Variants in NWD1 observed in about 807,000 individuals in gnomAD.
The protein encoded by NWD1 is NACHT domain- and WD repeat-containing protein 1.
NWD1 carries 129 observed loss-of-function variants against 135.1 expected under a neutral mutation model. That is an observed-to-expected ratio of 0.96 (90% CI 0.83 to 1.11). The LOEUF (loss-of-function observed/expected upper bound fraction) is 1.11. Among genes scored for constraint, NWD1 ranks in the 50% least tolerant of loss-of-function variants. The pLI, the probability that NWD1 is intolerant of heterozygous loss-of-function variation, is 0.00. For missense variants in NWD1, 1,740 were observed against 1,851.3 expected (o/e 0.94, Z 1.10); for synonymous variants, 773 against 786.0 (o/e 0.98, Z 0.28).
chr19:16,788,938 A>G lies in NWD1; in HGVS notation c.2732-44A>G, dbSNP rs369384040. Reference sequence around the variant, plus strand: ...GCATTTTAATAGTTGCAAGGCCAAAATGTTCCCAGCTAATATACTCTCCCC... The same window carrying G: ...GCATTTTAATAGTTGCAAGGCCAAAGTGTTCCCAGCTAATATACTCTCCCC... On this transcript the variant is annotated intron_variant, in intron 12 of 18. Transcript: ENST00000524140. The G allele has an allele frequency of 1.3e-5, 19 of 1,455,268 alleles. No homozygotes were observed. In the African/African-American group the frequency reaches 2.5e-4, roughly 19 times the overall value. The allele number at this position is 1,455,268 out of a possible 1,614,324, so 90.1% of individuals were successfully genotyped here. A position where few individuals can be genotyped will look rare whatever the true frequency, so the allele number is the denominator to read the frequency against.
chr19:16,734,860 A>T (rs1914501188), intron 3 of NWD1, among the ~76,000 whole-genome samples: 1 of 152,060 alleles, frequency 6.6e-6, no homozygotes, highest in South Asian at 2.1e-4. Flanking sequence ...TGCTGGGATT[A>T]TAGGGGTAAG....
At chr19:16,761,127 G>T (rs976215577) in intron 7 of NWD1, among the ~76,000 whole-genome samples, 1 of 152,102 alleles carries the variant, frequency 6.6e-6, no homozygotes, top group African/African-American at 2.4e-5. Context: ...GTGGCCTTTT[G>T]TGTCTGGCTT....
intron 2 of NWD1, among the ~76,000 whole-genome samples, chr19:16,728,086 A>C (rs1425348715): frequency 2.0e-5 from 3 of 151,988 alleles, no homozygotes; most frequent in African/African-American, 7.2e-5. Context: ...CCAAAAACTC[A>C]AAAAGGAGAT....
chr19:16,753,096 T>C (rs1381439295), intron 6 of NWD1, among the ~76,000 whole-genome samples: 1 of 152,188 alleles, frequency 6.6e-6, no homozygotes, highest in Non-Finnish European at 1.5e-5. Flanking sequence ...TGAGTTGTCA[T>C]GGAAACTGTC....
intron 6 of NWD1, among the ~76,000 whole-genome samples, chr19:16,751,229 A>G (rs1186322985): frequency 6.6e-6 from 1 of 151,560 alleles, no homozygotes; most frequent in Non-Finnish European, 1.5e-5. Context: ...GATCTCAAAA[A>G]AAAAAAAAAA....
intron 9 of NWD1, among the ~76,000 whole-genome samples, chr19:16,764,396 C>CATCT (rs1568363046): frequency 1.4e-5 from 2 of 143,112 alleles, no homozygotes; most frequent in Non-Finnish European, 3.0e-5. Flanking sequence ...TCCATCCATC[C>CATCT]ATCCATCTAA....
chr19:16,746,662 ACT>A (rs1431631235), intron 5 of NWD1, among the ~76,000 whole-genome samples: 20 of 146,644 alleles, frequency 1.4e-4, no homozygotes, highest in African/African-American at 4.7e-4. Context: ...GCAGAGCAAG[ACT>A]CTGTCTAAAA....
intron 4 of NWD1, among the ~76,000 whole-genome samples, chr19:16,741,533 T>C (rs1283111794): frequency 6.6e-6 from 1 of 151,700 alleles, no homozygotes; most frequent in Non-Finnish European, 1.5e-5. Flanking sequence ...GCCCGGCTAA[T>C]TATTTTTATA....
chr19:16,797,008 G>T (rs945294255), intron 15 of NWD1, among the ~76,000 whole-genome samples: 9 of 151,854 alleles, frequency 5.9e-5, no homozygotes, highest in African/African-American at 1.9e-4. Context: ...GTGAAACCTG[G>T]TATCTACTAA....
chr19:16,803,138 T>C (rs1178743074), intron 17 of NWD1, among the ~76,000 whole-genome samples: 1 of 152,042 alleles, frequency 6.6e-6, no homozygotes, highest in African/African-American at 2.4e-5. Context: ...TACAAAACCA[T>C]CAGATCTCAT....
At chr19:16,763,065 A>G (rs1164057543) in intron 8 of NWD1, among the ~76,000 whole-genome samples, 3 of 151,694 alleles carry the variant, frequency 2.0e-5, no homozygotes, top group African/African-American at 7.3e-5. Flanking sequence ...CAGGCGTGTA[A>G]TTACAGGTGG....
chr19:16,763,978 C>A (rs1218715903), intron 9 of NWD1, 33 bp downstream of exon 9: 2 of 1,287,636 alleles, frequency 1.6e-6, no homozygotes. Context: ...GAGGACCGAG[C>A]CTGGTGACTG....
In NWD1 at chr19:16,744,604, G is replaced by A. The variant is rs982217232; in HGVS notation, c.382G>A (p.Glu128Lys). 3.3e-6 allele frequency: 5 copies of A among 1,535,268 alleles called. No individual in the cohort carries two copies. Among genetic ancestry groups the A allele is most frequent in the Non-Finnish European group, 4.4e-6 (5 of 1,146,540 alleles). The part of the protein sequence containing the change: ...TYVLQAPGTG[E>K]ACEPEEATLT... ...CGTCCTGCAGGCACCAGGTACTGGG[G>A]AGGCCTGTGAACCAGAGGAGGCCAC... Residue 128 changes from glutamate (E) to lysine (K), a missense_variant, in exon 5 of 19, where the codon GAG becomes AAG. Physicochemically the swap from Glu to Lys is moderately conservative, Grantham distance 56. Transcript: ENST00000524140.
At chr19:16,799,233 G>A (rs1970518654) in intron 16 of NWD1, among the ~76,000 whole-genome samples, 1 of 151,984 alleles carries the variant, frequency 6.6e-6, no homozygotes. Context: ...GTCTCACTCT[G>A]TTGCCAGCCT....
intron 11 of NWD1, among the ~76,000 whole-genome samples, chr19:16,778,360 A>T (rs1969729087): frequency 6.6e-6 from 1 of 152,210 alleles, no homozygotes; most frequent in Admixed American, 6.6e-5. Flanking sequence ...TGGCAAATAT[A>T]TATTTTTTTT....
Position 16,723,897 on chromosome 19 carries a change from T to C in NWD1, c.-104-469T>C, listed in dbSNP as rs528549185. On this transcript the variant is annotated intron_variant, in intron 1 of 18. Transcript: ENST00000524140. ...TTTTAGTAGAGACGGGGTTTCACCATGTTGGCCGCGCTGGTCTCCGACTCC... is the reference window on the plus strand; with the variant it reads ...TTTTAGTAGAGACGGGGTTTCACCACGTTGGCCGCGCTGGTCTCCGACTCC... 6.6e-5 allele frequency among the ~76,000 whole-genome samples: 10 copies of C among 152,220 alleles called. 1 individual carries two copies. In the South Asian group the frequency reaches 1.7e-3, roughly 25 times the overall value.
rs777971744 is a variant in NWD1, at chr19:16,749,738, A to G, written c.1096A>G (p.Thr366Ala). ...EQMPRLLGHK[T>A]VTVLRLLGTS... ...GATGCCAAGGCTGCTGGGGCACAAG[A>G]CAGTGACCGTCCTGCGGCTGCTGGG... Residue 366 changes from threonine (T) to alanine (A), a missense_variant, in exon 6 of 19, where the codon ACA becomes GCA. Thr to Ala is a moderately conservative substitution (Grantham distance 58). Transcript: ENST00000524140. The G allele has an allele frequency of 6.2e-7, 1 of 1,607,268 alleles. No individual in the cohort carries two copies. Among genetic ancestry groups the G allele is most frequent in the Non-Finnish European group, 8.5e-7 (1 of 1,176,260 alleles).
At chr19:16,726,786 A>G (rs1967347684) in intron 2 of NWD1, among the ~76,000 whole-genome samples, 1 of 152,148 alleles carries the variant, frequency 6.6e-6, no homozygotes, top group Admixed American at 6.6e-5. Flanking sequence ...CTGGGAACAG[A>G]TCATTCTTTG....
chr19:16,730,725 A>T (rs1279275611), intron 2 of NWD1, among the ~76,000 whole-genome samples: 1 of 151,694 alleles, frequency 6.6e-6, no homozygotes, highest in Non-Finnish European at 1.5e-5. Flanking sequence ...CTTAAAAAAC[A>T]TTTTTTTAAA....
Sources: gnomAD v4.1 joint callset for allele counts (sites outside exome capture counted in the v4.1 genomes callset) on GRCh38, gnomAD v4.1.1 for gene constraint, MANE v1.5 for transcripts, NCBI Gene and HGNC (gene_info 2026-07-23, HGNC 2026-07-21) for gene names.